DLEU7: variants seen among roughly 807,000 people sequenced by gnomAD.
The protein encoded by DLEU7 is leukemia-associated protein 7.
A neutral mutation model predicts 16.0 loss-of-function variants in DLEU7; 17 were observed. The observed-to-expected ratio is 1.06, with a 90% confidence interval of 0.73 to 1.59. The LOEUF is 1.59. DLEU7 is among the 40% of genes most tolerant of loss of function. DLEU7 has a pLI of 0.00. For synonymous variants in DLEU7, 113 were observed against 139.8 expected (o/e 0.81, Z 1.35); for missense variants, 308 against 314.9 (o/e 0.98, Z 0.17).
At position 50,826,344 on chromosome 13, in the gene DLEU7, G is replaced by A. The variant is rs149121255; in HGVS notation, c.460-2824C>T. On this transcript the variant is annotated intron_variant, in intron 1 of 1. Coordinates refer to ENST00000504404, the MANE Select transcript of DLEU7 (RefSeq NM_001306135.2). The stretch of plus-strand genomic sequence containing the variant: ...ATATAGAAGAAGAAATCAGAAAAGC[G>A]TTTTAAGAAAAAACAGGCTTGCAAA... Among the ~76,000 whole-genome samples the A allele has an allele frequency of 4.3e-4, 66 of 152,102 alleles. 1 individual carries two copies. The East Asian group carries it at 0.011, about 25-fold the overall frequency.
intron 1 of DLEU7, among the ~76,000 whole-genome samples, chr13:50,763,426 C>T (rs1874998176): frequency 6.6e-6 from 1 of 152,104 alleles, no homozygotes; most frequent in South Asian, 2.1e-4. Context: ...TGATGAGGGC[C>T]TGCATCAGAA....
chr13:50,773,335 G>A (rs1391229594), intron 1 of DLEU7, among the ~76,000 whole-genome samples: 1 of 152,138 alleles, frequency 6.6e-6, no homozygotes, highest in Non-Finnish European at 1.5e-5. Flanking sequence ...TGATCCTTTG[G>A]AGGAGAAGAG....
intron 1 of DLEU7, among the ~76,000 whole-genome samples, chr13:50,778,824 A>G (rs1438127447): frequency 6.6e-6 from 1 of 152,250 alleles, no homozygotes; most frequent in Admixed American, 6.5e-5. Flanking sequence ...ATTTAAATAA[A>G]GAAATCTTAA....
chr13:50,786,553 G>A (rs1875799527), intron 1 of DLEU7, among the ~76,000 whole-genome samples: 1 of 152,128 alleles, frequency 6.6e-6, no homozygotes, highest in African/African-American at 2.4e-5. Context: ...TAAGAATGGA[G>A]AAAATTGCTC....
intron 1 of DLEU7, among the ~76,000 whole-genome samples, chr13:50,796,895 G>A (rs984037319): frequency 6.6e-6 from 1 of 152,126 alleles, no homozygotes; most frequent in Non-Finnish European, 1.5e-5. Flanking sequence ...GCACTGAACT[G>A]TGTTGTGAGC....
At chr13:50,734,044 T>C (rs186076600) in intron 1 of DLEU7, among the ~76,000 whole-genome samples, 22 of 152,310 alleles carry the variant, frequency 1.4e-4, no homozygotes, top group African/African-American at 4.6e-4. Context: ...TCAGAGGACA[T>C]CAAACTTGAT....
chr13:50,715,972 A>C (rs1341338279), intron 1 of DLEU7, among the ~76,000 whole-genome samples: 1 of 152,162 alleles, frequency 6.6e-6, no homozygotes. Flanking sequence ...TCCCCTCCAC[A>C]CCCTGCTGAG....
intron 1 of DLEU7, among the ~76,000 whole-genome samples, chr13:50,759,063 A>G (rs181292804): frequency 7.2e-5 from 11 of 152,350 alleles, no homozygotes; most frequent in Admixed American, 7.2e-4. Flanking sequence ...CCACAAGAAA[A>G]TCGGAATTCC....
At chr13:50,779,128 C>T (rs1034174400) in intron 1 of DLEU7, among the ~76,000 whole-genome samples, 4 of 152,162 alleles carry the variant, frequency 2.6e-5, no homozygotes, top group Admixed American at 2.6e-4. Flanking sequence ...GCAAAAAACA[C>T]AGCACGTTGT....
intron 1 of DLEU7, among the ~76,000 whole-genome samples, chr13:50,784,057 A>G (rs868100675): frequency 3.9e-5 from 6 of 152,246 alleles, no homozygotes; most frequent in Non-Finnish European, 8.8e-5. Flanking sequence ...TGCCAGGCAC[A>G]TGGATTTCTG....
chr13:50,800,753 C>T (rs1050992591), intron 1 of DLEU7, among the ~76,000 whole-genome samples: 1 of 152,064 alleles, frequency 6.6e-6, no homozygotes, highest in Non-Finnish European at 1.5e-5. Flanking sequence ...CCTAAATCCT[C>T]GAATTATGGA....
chr13:50,753,383 G>C (rs1296976216), intron 1 of DLEU7, among the ~76,000 whole-genome samples: 1 of 152,222 alleles, frequency 6.6e-6, no homozygotes, highest in Admixed American at 6.5e-5. Flanking sequence ...GGAGGCTCGG[G>C]CTGCACAGGA....
chr13:50,729,399 A>G (rs570184851), intron 1 of DLEU7, among the ~76,000 whole-genome samples: 19 of 152,352 alleles, frequency 1.2e-4, no homozygotes, highest in African/African-American at 3.8e-4. Flanking sequence ...TCCATGATAT[A>G]TATGTACCAC....
intron 1 of DLEU7, among the ~76,000 whole-genome samples, chr13:50,725,440 A>G (rs1873738691): frequency 6.6e-6 from 1 of 152,160 alleles, no homozygotes; most frequent in South Asian, 2.1e-4. Flanking sequence ...TAGTCAAGAC[A>G]GGCTCTGTGT....
At chr13:50,765,055 G>C (rs1462648288) in intron 1 of DLEU7, among the ~76,000 whole-genome samples, 1 of 151,932 alleles carries the variant, frequency 6.6e-6, no homozygotes, top group Non-Finnish European at 1.5e-5. Flanking sequence ...GTAAATTTTT[G>C]TATCTTTAGT....
At chr13:50,840,561 C>A (rs1474819945) in intron 1 of DLEU7, among the ~76,000 whole-genome samples, 3 of 152,170 alleles carry the variant, frequency 2.0e-5, no homozygotes, top group African/African-American at 7.2e-5. Context: ...TAGTTGTATA[C>A]TTCTAGAAAG....
At chr13:50,842,230 T>C (rs140640956) in intron 1 of DLEU7, among the ~76,000 whole-genome samples, 17 of 152,334 alleles carry the variant, frequency 1.1e-4, no homozygotes, top group African/African-American at 4.1e-4. Context: ...ACTTAATGTA[T>C]AGCAACTTTT....
intron 1 of DLEU7, among the ~76,000 whole-genome samples, chr13:50,829,102 G>T (rs1490635251): frequency 4.6e-5 from 7 of 152,122 alleles, no homozygotes; most frequent in Non-Finnish European, 8.8e-5. Context: ...TAGCTCATCA[G>T]CTATCAGTAG....
chr13:50,754,443 T>C (rs1874689982), intron 1 of DLEU7, among the ~76,000 whole-genome samples: 1 of 152,264 alleles, frequency 6.6e-6, no homozygotes. Flanking sequence ...TTGTCTCTTT[T>C]AACTGCTGCT....
Sources: gnomAD v4.1 joint callset for allele counts (sites outside exome capture counted in the v4.1 genomes callset) on GRCh38, gnomAD v4.1.1 for gene constraint, MANE v1.5 for transcripts, NCBI Gene and HGNC (gene_info 2026-07-23, HGNC 2026-07-21) for gene names.